The following MUC4 variants were observed in gnomAD, a reference collection of about 807,000 sequenced individuals.
The protein encoded by MUC4 is mucin-4.
In MUC4, 202 loss-of-function variants were observed where a neutral mutation model predicts 257.9. That is an observed-to-expected ratio of 0.78 (90% CI 0.70 to 0.88). MUC4 has a LOEUF of 0.88. MUC4 is among the 40% of genes least tolerant of loss of function. MUC4 has a pLI of 0.00. For missense variants in MUC4, 5,976 were observed against 6,513.7 expected, an observed-to-expected ratio of 0.92 and a Z score of 2.84; for synonymous variants, 2,351 against 2,757.1, an observed-to-expected ratio of 0.85 and a Z score of 4.62.
chr3:195,779,056 G>C lies in MUC4; in HGVS notation c.12524C>G (p.Thr4175Ser). ...DASSVSTGHGTPLPVTSTSSA... is the reference protein window; with the variant it reads ...DASSVSTGHGSPLPVTSTSSA... ...GGAAGTGCTGGTGACAGGAAGAGGG[G>C]TGCCGTGACCTGTGGACACTGAGGA... The change falls in exon 2 of 25, where the codon ACC becomes AGC. Residue 4175 changes from threonine (T) to serine (S), a missense_variant. Around this residue, in one of 44 missense-constraint regions of MUC4, gnomAD observed 293 missense variants for 294.5 expected, o/e 1.00. Transcript: ENST00000463781. The C allele has an allele frequency of 9.0e-7, 1 of 1,115,830 alleles. No homozygotes were observed. 69.1% of individuals were successfully genotyped at this position (1,115,830 alleles called of 1,614,324 possible). A position where few individuals can be genotyped will look rare whatever the true frequency, so the allele number is the denominator to read the frequency against.
chr3:195,767,611 G>GCACCACCA (rs1721248014), intron 7 of MUC4, among the ~76,000 whole-genome samples: 1 of 14,734 alleles, frequency 6.8e-5, no homozygotes, highest in Non-Finnish European at 1.8e-4. Flanking sequence ...CATCACCATT[G>GCACCACCA]CCACCACCAT....
At chr3:195,808,631 C>T (rs1385009178) in intron 1 of MUC4, among the ~76,000 whole-genome samples, 3 of 152,246 alleles carry the variant, frequency 2.0e-5, no homozygotes, top group Admixed American at 6.5e-5. Flanking sequence ...AGCCAAAAGG[C>T]GTTGCCTGTG....
intron 7 of MUC4, among the ~76,000 whole-genome samples, chr3:195,767,510 T>TCAC (rs750248612): frequency 2.8e-5 from 1 of 35,430 alleles, no homozygotes; most frequent in Non-Finnish European, 7.0e-5. Context: ...ACCACCACCA[T>TCAC]CACCATCACC....
At chr3:195,759,934 C>CGCACGCACACACACACACACAG (rs1473741481) in intron 16 of MUC4, among the ~76,000 whole-genome samples, 1 of 151,910 alleles carries the variant, frequency 6.6e-6, no homozygotes, top group African/African-American at 2.4e-5. Context: ...CACACACACA[C>CGCACGCACACACACACACACAG]GCACAAAACC....
chr3:195,766,577 T>C (rs553881738), intron 8 of MUC4, 86 bp downstream of exon 8: 2 of 1,189,600 alleles, frequency 1.7e-6, no homozygotes, highest in East Asian at 2.3e-5. Context: ...GTTAGGGAGG[T>C]GCCCTCTAGG....
Position 195,788,591 on chromosome 3 carries a change from C to T in MUC4, c.2989G>A (p.Asp997Asn), listed in dbSNP as rs531396618. Residue 997 changes from aspartate (D) to asparagine (N), a missense_variant, in exon 2 of 25, where the codon GAT becomes AAT. By Grantham distance (23) the Asp-to-Asn change is conservative. Transcript: ENST00000463781. ...TGACCTGTGGATACTGAGGAAGCAT[C>T]GGTGACATGAAGAGGGGTGGTGTGA... The part of the protein sequence containing the change: ...TGHTTPLHVT[D>N]ASSVSTGHAT... 1.2e-5 allele frequency: 19 copies of T among 1,566,940 alleles called. No individual in the cohort carries two copies. The highest frequency in any genetic ancestry group is 3.8e-5 in the Admixed American group (2 of 52,232).
intron 9 of MUC4, 53 bp downstream of exon 9, chr3:195,765,217 G>C (rs948356368): frequency 6.3e-7 from 1 of 1,588,092 alleles, no homozygotes; most frequent in Non-Finnish European, 8.6e-7. Context: ...GGCTGAGGGC[G>C]TGAGCAGAGA....
Position 195,784,673 on chromosome 3 carries a change from T to G in MUC4, c.6907A>C (p.Thr2303Pro), listed in dbSNP as rs1376884562. The change falls in exon 2 of 25, where the codon ACC (threonine) becomes CCC (proline). Residue 2303 changes from threonine to proline, a missense_variant. Coordinates refer to ENST00000463781, the MANE Select transcript of MUC4 (RefSeq NM_018406.7). ...GAAGCGTCGGTGACATGAAGAGGGG[T>G]GGCGTGACCTGTGGATGCTGAGGAA... ...SPSSASTGHA[T>P]PLHVTDASSA... 1 of 1,420,370 alleles carries G rather than the reference T, an allele frequency of 7.0e-7. No homozygotes were observed. The allele number at this position is 1,420,370 out of a possible 1,614,324, so 88.0% of individuals were successfully genotyped here.
rs1375814428 is a variant in MUC4, at chr3:195,764,042, C to T, written c.14044+3G>A. Reference sequence around the variant, plus strand: ...CTTCCTGGGCCTGGGCCCTGTCGCTCACCGGGCTGTGGGGGCCTGTATGTA... The same window carrying T: ...CTTCCTGGGCCTGGGCCCTGTCGCTTACCGGGCTGTGGGGGCCTGTATGTA... On this transcript the variant is annotated splice_donor_region_variant and intron_variant, in intron 11 of 24. Transcript: ENST00000463781. 6 of 1,608,700 alleles carry T rather than the reference C, an allele frequency of 3.7e-6. No individual in the cohort carries two copies. The highest frequency in any genetic ancestry group is 1.7e-5 in the Admixed American group (1 of 59,662).
At chr3:195,763,738 T>G in intron 11 of MUC4, 97 bp from the exon 12 acceptor site, 1 of 1,260,672 alleles carries the variant, frequency 7.9e-7, no homozygotes, top group Non-Finnish European at 1.1e-6. Flanking sequence ...CCAGGAGGAC[T>G]CAGGGTGAGG....
chr3:195,762,285 C>CGGA, intron 13 of MUC4, 31 bp from the exon 14 acceptor site: 1 of 1,546,632 alleles, frequency 6.5e-7, no homozygotes, highest in Admixed American at 2.0e-5. Flanking sequence ...GGAGAGGAAG[C>CGGA]CAGGTCGGCA....
chr3:195,763,307 G>T, intron 12 of MUC4, 126 bp downstream of exon 12: 1 of 967,486 alleles, frequency 1.0e-6, no homozygotes, highest in Non-Finnish European at 1.4e-6. Flanking sequence ...GCGTGGATGG[G>T]CTGTGTCCTC....
intron 7 of MUC4, among the ~76,000 whole-genome samples, chr3:195,768,690 T>C (rs1722147116): frequency 6.6e-6 from 1 of 152,218 alleles, no homozygotes; most frequent in South Asian, 2.1e-4. Flanking sequence ...CACGAAGTGT[T>C]AGTGTCATCA....
In MUC4 at chr3:195,802,248, G is replaced by A. The variant is rs1042322048; in HGVS notation, c.82+9488C>T. On this transcript the variant is annotated intron_variant, in intron 1 of 24. Coordinates refer to ENST00000463781, the MANE Select transcript of MUC4 (RefSeq NM_018406.7). Reference sequence around the variant, plus strand: ...GATTTCTTTCTCTTCCTTGTCCCCTGTGTCCTAGTCAGTACTCGTTGATCT... The same window carrying A: ...GATTTCTTTCTCTTCCTTGTCCCCTATGTCCTAGTCAGTACTCGTTGATCT... Among the ~76,000 whole-genome samples, 8 of 152,122 alleles carry A rather than the reference G, an allele frequency of 5.3e-5. No homozygotes were observed. In the East Asian group the frequency reaches 5.8e-4, roughly 11 times the overall value.
Position 195,761,511 on chromosome 3 carries a change from C to A in MUC4, c.14587G>T (p.Glu4863Ter), listed in dbSNP as rs1718904866. Residue 4863 changes from glutamate to a stop codon, truncating the protein, a stop_gained, in exon 15 of 25, where the codon GAG becomes TAG. Coordinates refer to ENST00000463781, the MANE Select transcript of MUC4 (RefSeq NM_018406.7). LOFTEE classifies it high-confidence loss of function. ...GTCATTCCAAAGTGGAAAAGCATCT[C>A]CTCAGGGCTCCCTGGGGGAATGGTG... The part of the protein sequence containing the change: ...GSTIPPGSPE[E>*]MLFHFGMTWQ... 5.6e-6 allele frequency: 9 copies of A among 1,614,006 alleles called. No homozygotes were observed. Among genetic ancestry groups the A allele is most frequent in the Non-Finnish European group, 7.6e-6 (9 of 1,179,972 alleles).
chr3:195,766,023 C>G (rs144922982), intron 8 of MUC4, among the ~76,000 whole-genome samples: 25 of 152,172 alleles, frequency 1.6e-4, no homozygotes, highest in African/African-American at 6.0e-4. Flanking sequence ...TGCAGTGGCG[C>G]GATCTCGGCT....
rs1426988919 is a variant in MUC4 at position 195,778,338 on chromosome 3, G to C, written c.12908C>G (p.Ser4303Cys). Residue 4303 changes from serine (S) to cysteine (C), a missense_variant, in exon 3 of 25, where the codon TCC (serine) becomes TGC (cysteine). Ser to Cys is a moderately radical substitution (Grantham distance 112, BLOSUM62 -1). Coordinates refer to ENST00000463781, the MANE Select transcript of MUC4 (RefSeq NM_018406.7). ...CAGGATGGGGATGGGGGCAGCTGTGGAGCGGGTGTGCATGGCAGTGCTGGG... is the reference window on the plus strand; with the variant it reads ...CAGGATGGGGATGGGGGCAGCTGTGCAGCGGGTGTGCATGGCAGTGCTGGG... ...TIPSTAMHTR[S>C]TAAPIPILPE... 1 of 1,612,602 alleles carries C rather than the reference G, an allele frequency of 6.2e-7. No individual in the cohort carries two copies. Among genetic ancestry groups the C allele is most frequent in the South Asian group, 1.1e-5 (1 of 91,050 alleles).
intron 7 of MUC4, among the ~76,000 whole-genome samples, chr3:195,767,826 C>CCAT (rs1721697364): frequency 9.0e-6 from 1 of 110,992 alleles, no homozygotes; most frequent in Non-Finnish European, 2.1e-5. Context: ...ACCACCACCA[C>CCAT]CACCATCACC....
In MUC4 at chr3:195,761,344, G is replaced by A. The variant is rs375951839; in HGVS notation, c.14614+140C>T. The A allele has an allele frequency of 3.1e-5, 25 of 797,220 alleles. No individual in the cohort carries two copies. In the Middle Eastern group the frequency reaches 7.4e-4, roughly 24 times the overall value. 49.4% of individuals were successfully genotyped at this position (797,220 alleles called of 1,614,324 possible). On this transcript the variant is annotated intron_variant, in intron 15 of 24. Transcript: ENST00000463781. ...GAGAGGCAGGTGGGCTGGTGGTGGTGGGGACAGCCCTGGGGGGGCACAGAT... is the reference window on the plus strand; with the variant it reads ...GAGAGGCAGGTGGGCTGGTGGTGGTAGGGACAGCCCTGGGGGGGCACAGAT...
Sources: allele counts gnomAD v4.1 joint callset (sites outside exome capture counted in the v4.1 genomes callset), GRCh38; gene constraint gnomAD v4.1.1; regional missense constraint gnomAD v4.1.1; transcripts MANE v1.5; gene names NCBI Gene and HGNC (gene_info 2026-07-23, HGNC 2026-07-21).